Variants in IFT80 observed in about 807,000 individuals in gnomAD.
IFT80 encodes intraflagellar transport 80.
Under a neutral mutation model 107.9 loss-of-function variants are expected in IFT80, and 79 were observed. The ratio of observed to expected loss-of-function variants is 0.73; its 90% CI spans 0.61 to 0.88. The LOEUF (loss-of-function observed/expected upper bound fraction) is 0.88. Among genes scored for constraint, IFT80 ranks in the 40% least tolerant of loss-of-function variants. The pLI is 0.00. For synonymous variants in IFT80, 299 were observed against 300.9 expected, an observed-to-expected ratio of 0.99 and a Z score of 0.07; for missense variants, 797 against 914.2, an observed-to-expected ratio of 0.87 and a Z score of 1.65.
At chr3:160,313,269 T>C (rs1054437526) in intron 9 of IFT80, among the ~76,000 whole-genome samples, 1 of 149,744 alleles carries the variant, frequency 6.7e-6, no homozygotes, top group Non-Finnish European at 1.5e-5. Context: ...ATAAAAACTT[T>C]AAAGGGAAGT....
At chr3:160,298,462 ATACT>A (rs1450804050) in intron 12 of IFT80, among the ~76,000 whole-genome samples, 3 of 151,708 alleles carry the variant, frequency 2.0e-5, no homozygotes, top group Non-Finnish European at 2.9e-5. Context: ...AGTAAAACAG[ATACT>A]TAATTGGCAT....
At chr3:160,346,758 C>T (rs1720323426) in intron 8 of IFT80, among the ~76,000 whole-genome samples, 1 of 152,124 alleles carries the variant, frequency 6.6e-6, no homozygotes, top group Admixed American at 6.6e-5. Flanking sequence ...AAAATACTCT[C>T]CCACTCTTTG....
chr3:160,366,137 G>A lies in IFT80; in HGVS notation c.455C>T (p.Ser152Leu). Residue 152 changes from serine to leucine, a missense_variant, in exon 6 of 20, where the codon TCA (serine) becomes TTA (leucine). Physicochemically the swap from Ser to Leu is moderately radical, Grantham distance 145 (BLOSUM62 -2). Coordinates refer to ENST00000326448, the MANE Select transcript of IFT80 (RefSeq NM_020800.3). ...TTCTGAATCAGGGCCCCACGCTACT[G>A]AATACACTGGTGTTCCTGTAAGATG... Reference protein sequence around the residue: ...TLAQQGTPVYSVAWGPDSEKV... With the variant: ...TLAQQGTPVYLVAWGPDSEKV... 6.2e-7 allele frequency: 1 copy of A among 1,608,748 alleles called. No homozygotes were observed. The highest frequency in any genetic ancestry group is 1.1e-5 in the South Asian group (1 of 90,912).
At chr3:160,336,103 A>G (rs757356175) in intron 8 of IFT80, among the ~76,000 whole-genome samples, 26 of 152,300 alleles carry the variant, frequency 1.7e-4, no homozygotes, top group South Asian at 4.1e-4. Flanking sequence ...TTTTATGAAT[A>G]ATGTTGCTAT....
intron 8 of IFT80, among the ~76,000 whole-genome samples, chr3:160,328,432 A>G (rs1718832110): frequency 7.0e-6 from 1 of 142,314 alleles, no homozygotes; most frequent in Non-Finnish European, 1.5e-5. Flanking sequence ...AGTGCACTCC[A>G]GCCTGGGTGA....
In IFT80 at chr3:160,384,621, T is replaced by C; in HGVS notation, c.-21A>G. The C allele has an allele frequency of 1.3e-6, 2 of 1,586,328 alleles. No homozygotes were observed. Among genetic ancestry groups the C allele is most frequent in the Non-Finnish European group, 1.7e-6 (2 of 1,155,370 alleles). On this transcript the variant is annotated 5_prime_UTR_variant, in exon 2 of 20. Transcript: ENST00000326448. The stretch of plus-strand genomic sequence containing the variant: ...CTCATGACTCCACTTCCAGCAAAAA[T>C]TTAAGATGCCACTTGATTGTATTTA...
At chr3:160,268,003 T>C (rs1017534931) in intron 19 of IFT80, among the ~76,000 whole-genome samples, 3 of 152,226 alleles carry the variant, frequency 2.0e-5, no homozygotes, top group African/African-American at 7.2e-5. Flanking sequence ...CCTAGCTTTC[T>C]AGAATTCTAC....
At chr3:160,295,626 C>T (rs962333778) in intron 12 of IFT80, among the ~76,000 whole-genome samples, 2 of 151,874 alleles carry the variant, frequency 1.3e-5, no homozygotes, top group Admixed American at 1.3e-4. Context: ...AATAGAACTA[C>T]CCAGCAATCC....
At chr3:160,373,829 G>A (rs1711755775) in intron 5 of IFT80, among the ~76,000 whole-genome samples, 1 of 152,076 alleles carries the variant, frequency 6.6e-6, no homozygotes, top group African/African-American at 2.4e-5. Context: ...AGGTCAGGCA[G>A]TAATGGAAGT....
At chr3:160,378,076 T>C (rs1424826083) in intron 3 of IFT80, among the ~76,000 whole-genome samples, 1 of 152,192 alleles carries the variant, frequency 6.6e-6, no homozygotes, top group African/African-American at 2.4e-5. Context: ...TTTTACTTTT[T>C]GCCAATATAT....
chr3:160,290,000 T>C (rs1312633253), intron 12 of IFT80, among the ~76,000 whole-genome samples: 1 of 152,204 alleles, frequency 6.6e-6, no homozygotes, highest in East Asian at 1.9e-4. Context: ...AGGTGAAAGT[T>C]TGAATGAAAA....
chr3:160,377,662 A>C lies in IFT80; in HGVS notation c.260-122T>G, dbSNP rs1576893043. ...AATATTAACATTATAATTATTCTTA[A>C]TATCACATATAAATCTATTGGAAAA... On this transcript the variant is annotated intron_variant, in intron 3 of 19. Coordinates refer to ENST00000326448, the MANE Select transcript of IFT80 (RefSeq NM_020800.3). 14 of 558,254 alleles carry C rather than the reference A, an allele frequency of 2.5e-5. No individual in the cohort carries two copies. The East Asian group carries it at 4.2e-4, about 17-fold the overall frequency. The allele number at this position is 558,254 out of a possible 1,614,324, so 34.6% of individuals were successfully genotyped here.
intron 19 of IFT80, among the ~76,000 whole-genome samples, chr3:160,263,502 C>T (rs1373804761): frequency 6.6e-6 from 1 of 152,142 alleles, no homozygotes; most frequent in East Asian, 1.9e-4. Context: ...TCCAACCACC[C>T]AGGGTCCAGA....
At chr3:160,264,578 C>T (rs1378711167) in intron 19 of IFT80, among the ~76,000 whole-genome samples, 1 of 149,684 alleles carries the variant, frequency 6.7e-6, no homozygotes, top group Non-Finnish European at 1.5e-5. Context: ...ACTACAGGTG[C>T]ATGTCACCAT....
chr3:160,340,744 T>C (rs573416712), intron 8 of IFT80, among the ~76,000 whole-genome samples: 2 of 152,338 alleles, frequency 1.3e-5, no homozygotes, highest in Admixed American at 1.3e-4. Flanking sequence ...GTGATTATAT[T>C]GGATGACTGG....
At chr3:160,311,878 A>G (rs186558058) in intron 9 of IFT80, among the ~76,000 whole-genome samples, 31 of 152,124 alleles carry the variant, frequency 2.0e-4, no homozygotes, top group African/African-American at 7.5e-4. Flanking sequence ...CCCAGGTTCA[A>G]GCTGGGGCTC....
chr3:160,294,990 T>C (rs1715861985), intron 12 of IFT80, among the ~76,000 whole-genome samples: 1 of 152,198 alleles, frequency 6.6e-6, no homozygotes, highest in Non-Finnish European at 1.5e-5. Context: ...ATCTAACTGA[T>C]AGTTGGGGAG....
At chr3:160,290,961 G>A (rs1436513315) in intron 12 of IFT80, among the ~76,000 whole-genome samples, 1 of 152,190 alleles carries the variant, frequency 6.6e-6, no homozygotes, top group Non-Finnish European at 1.5e-5. Context: ...ATTAAGGAAT[G>A]TGAAACAGAG....
At chr3:160,367,355 A>T (rs891708521) in intron 5 of IFT80, among the ~76,000 whole-genome samples, 16 of 152,098 alleles carry the variant, frequency 1.1e-4, no homozygotes, top group Admixed American at 7.9e-4. Context: ...CTTAAATTTT[A>T]CATATTAAAA....
Sources: gnomAD v4.1 joint callset for allele counts (sites outside exome capture counted in the v4.1 genomes callset) on GRCh38, gnomAD v4.1.1 for gene constraint, MANE v1.5 for transcripts, NCBI Gene and HGNC (gene_info 2026-07-23, HGNC 2026-07-21) for gene names.